The following SRGAP2 variants were observed in gnomAD, a reference collection of about 807,000 sequenced individuals.
SRGAP2 encodes the protein SLIT-ROBO Rho GTPase-activating protein 2.
Under a neutral mutation model 57.2 loss-of-function variants are expected in SRGAP2, and 15 were observed. The ratio of observed to expected loss-of-function variants is 0.26; its 90% CI spans 0.18 to 0.40. The LOEUF is 0.40. Among genes scored for constraint, SRGAP2 ranks in the 10% least tolerant of loss-of-function variants. The probability of loss-of-function intolerance (pLI) is 1.00; values close to 1 mark genes in which losing one functional copy is unlikely to be tolerated. For synonymous variants in SRGAP2, 249 were observed against 248.0 expected (o/e 1.00, Z -0.04); for missense variants, 520 against 669.6 (o/e 0.78, Z 2.47).
At chr1:206,204,162 C>G in intron 1 of SRGAP2, 1 of 441,686 alleles carries the variant, frequency 2.3e-6, no homozygotes, top group East Asian at 3.8e-5. Context: ...CCACTCCCAT[C>G]CCTAGACCAC....
intron 2 of SRGAP2, among the ~76,000 whole-genome samples, chr1:206,241,886 AT>A (rs1180056225): frequency 1.5e-4 from 22 of 142,572 alleles, no homozygotes; most frequent in Admixed American, 5.6e-4. Context: ...TATTATTATT[AT>A]TTTTTAATGC....
At chr1:206,378,550 A>G (rs74742451) in intron 4 of SRGAP2, among the ~76,000 whole-genome samples, 6,640 of 152,314 alleles carry the variant, frequency 0.044, 353 homozygotes, top group African/African-American at 0.12. Context: ...GACAGCACAT[A>G]AGTAGAGGTG....
chr1:206,458,379 A>G lies in SRGAP2; in HGVS notation c.2508-244A>G, dbSNP rs782359347. ...GACATTTTTTCTGACAGCAACTTAC[A>G]TCTTGACAACACAAAGCCCGTGACC... On this transcript the variant is annotated intron_variant, in intron 21 of 22. Coordinates refer to ENST00000573034, the MANE Select transcript of SRGAP2 (RefSeq NM_015326.5). 3 of 682,444 alleles carry G rather than the reference A, an allele frequency of 4.4e-6. No individual in the cohort carries two copies. In the South Asian group the frequency reaches 4.5e-5, roughly 10 times the overall value. 42.3% of individuals were successfully genotyped at this position (682,444 alleles called of 1,614,324 possible).
In SRGAP2 at chr1:206,351,239, T is replaced by A. The variant is rs565177975; in HGVS notation, c.423+8231T>A. 3.3e-5 allele frequency among the ~76,000 whole-genome samples: 5 copies of A among 151,802 alleles called. No homozygotes were observed. In the South Asian group the frequency reaches 1.0e-3, roughly 32 times the overall value. On this transcript the variant is annotated intron_variant, in intron 4 of 22. Transcript: ENST00000573034. ...CAATGCTGGTATAGTTGAATGTCCC[T>A]GGTAAGTGCTGTGGATTGAATGAAT...
chr1:206,378,202 T>A (rs1461739487), intron 4 of SRGAP2, among the ~76,000 whole-genome samples: 3 of 150,744 alleles, frequency 2.0e-5, no homozygotes, highest in Admixed American at 6.6e-5. Flanking sequence ...ACAATTTTTT[T>A]AAAAATTAGC....
chr1:206,318,480 C>T (rs1673209997), intron 3 of SRGAP2, among the ~76,000 whole-genome samples: 1 of 152,208 alleles, frequency 6.6e-6, no homozygotes. Flanking sequence ...AAATGTGTGT[C>T]CTTTCTTACC....
chr1:206,324,328 A>T (rs1553328989), intron 3 of SRGAP2, among the ~76,000 whole-genome samples: 1 of 151,700 alleles, frequency 6.6e-6, no homozygotes, highest in Non-Finnish European at 1.5e-5. Flanking sequence ...CTATGTACTG[A>T]TAGGTTTAAC....
chr1:206,460,887 G>A, intron 22 of SRGAP2, 150 bp from the exon 23 acceptor site: 2 of 468,800 alleles, frequency 4.3e-6, no homozygotes, highest in Admixed American at 3.8e-5. Flanking sequence ...TACTTCCTGA[G>A]CATTCATATG....
At chr1:206,259,422 G>A (rs1210461356) in intron 2 of SRGAP2, among the ~76,000 whole-genome samples, 1 of 149,748 alleles carries the variant, frequency 6.7e-6, no homozygotes, top group Non-Finnish European at 1.5e-5. Flanking sequence ...CTGCAGCCTC[G>A]ACCTTCTGGG....
chr1:206,256,239 C>T (rs142284236), intron 2 of SRGAP2, among the ~76,000 whole-genome samples: 1,970 of 152,158 alleles, frequency 0.013, 44 homozygotes, highest in African/African-American at 0.045. Flanking sequence ...TAATGAATTC[C>T]GGGTTGCCCT....
At chr1:206,283,521 A>C (rs1292837837) in intron 2 of SRGAP2, among the ~76,000 whole-genome samples, 2 of 149,988 alleles carry the variant, frequency 1.3e-5, no homozygotes, top group Non-Finnish European at 3.0e-5. Flanking sequence ...TAAAAATACA[A>C]AAATTAGCCG....
At chr1:206,372,896 CTCCTTTCT>C (rs1654658668) in intron 4 of SRGAP2, among the ~76,000 whole-genome samples, 1 of 36,556 alleles carries the variant, frequency 2.7e-5, no homozygotes. Context: ...TTCTTTCTCT[CTCCTTTCT>C]TTCTTTCTTT....
chr1:206,306,667 T>G (rs1457486708), intron 3 of SRGAP2, among the ~76,000 whole-genome samples: 1 of 152,154 alleles, frequency 6.6e-6, no homozygotes, highest in African/African-American at 2.4e-5. Flanking sequence ...TACTGATTGG[T>G]GCATTTACAA....
chr1:206,237,524 A>G (rs1553308381), intron 2 of SRGAP2, among the ~76,000 whole-genome samples: 3 of 151,940 alleles, frequency 2.0e-5, no homozygotes, highest in African/African-American at 7.2e-5. Flanking sequence ...CACCACTACA[A>G]CCTTTTACTG....
At chr1:206,289,429 C>T (rs1305691122) in intron 2 of SRGAP2, among the ~76,000 whole-genome samples, 2 of 150,630 alleles carry the variant, frequency 1.3e-5, no homozygotes, top group Admixed American at 6.6e-5. Context: ...CCCGCCACCA[C>T]GCCCAGCTAC....
At position 206,440,012 on chromosome 1, in the gene SRGAP2, G is replaced by A. The variant is rs372190101; in HGVS notation, c.1805G>A (p.Arg602Gln). The A allele has an allele frequency of 2.5e-4, 193 of 780,810 alleles. 1 individual carries two copies. The highest frequency in any genetic ancestry group is 6.8e-4 in the Middle Eastern group (3 of 4,440). The allele number at this position is 780,810 out of a possible 1,614,324, so 48.4% of individuals were successfully genotyped here. Residue 602 changes from arginine to glutamine, a missense_variant, in exon 17 of 23, where the codon CGG becomes CAG. Around this residue, in one of 5 missense-constraint regions of SRGAP2, gnomAD observed 478 missense variants for 373.6 expected, o/e 1.28. Coordinates refer to ENST00000573034, the MANE Select transcript of SRGAP2 (RefSeq NM_015326.5). ...DNLQERALHI[R>Q]KVLLVLPKTT... ...CTGCAGGAGAGAGCTCTGCACATCC[G>A]GAAAGTCCTCCTAGTCCTGCCCAAA...
intron 18 of SRGAP2, among the ~76,000 whole-genome samples, chr1:206,449,888 T>C (rs1364879712): frequency 6.6e-6 from 1 of 152,226 alleles, no homozygotes; most frequent in African/African-American, 2.4e-5. Context: ...GCTGAGGATA[T>C]AGATCTTTAT....
intron 10 of SRGAP2, among the ~76,000 whole-genome samples, chr1:206,412,571 G>A (rs1659313580): frequency 6.6e-6 from 1 of 152,218 alleles, no homozygotes; most frequent in South Asian, 2.1e-4. Context: ...CCCTAAGTAA[G>A]GAGAGTGATC....
At chr1:206,419,534 G>T in intron 12 of SRGAP2, 134 bp downstream of exon 12, 1 of 688,520 alleles carries the variant, frequency 1.5e-6, no homozygotes, top group Non-Finnish European at 2.7e-6. Flanking sequence ...CTGGGGCGGG[G>T]TTTGTTTACT....
Sources: allele counts gnomAD v4.1 joint callset (sites outside exome capture counted in the v4.1 genomes callset), GRCh38; gene constraint gnomAD v4.1.1; regional missense constraint gnomAD v4.1.1; transcripts MANE v1.5; gene names NCBI Gene and HGNC (gene_info 2026-07-23, HGNC 2026-07-21).